Variants in PEDS1 observed in about 807,000 individuals in gnomAD.
PEDS1 encodes the protein plasmanylethanolamine desaturase 1, also known as CarF homolog.
Under a neutral mutation model 35.2 loss-of-function variants are expected in PEDS1, and 14 were observed. The ratio of observed to expected loss-of-function variants is 0.40; its 90% CI spans 0.26 to 0.62. The LOEUF (loss-of-function observed/expected upper bound fraction) is 0.62. Among genes scored for constraint, PEDS1 ranks in the 20% least tolerant of loss-of-function variants. The pLI is 0.44. For synonymous variants in PEDS1, 152 were observed against 152.0 expected, an observed-to-expected ratio of 1.00 and a Z score of 0.00; for missense variants, 260 against 367.8, an observed-to-expected ratio of 0.71 and a Z score of 2.40.
At chr20:50,135,286 C>A (rs1029309790) in intron 2 of PEDS1, among the ~76,000 whole-genome samples, 1 of 152,166 alleles carries the variant, frequency 6.6e-6, no homozygotes, top group Non-Finnish European at 1.5e-5. Flanking sequence ...AGTGTGAAGG[C>A]AGACATCAAC....
intron 2 of PEDS1, among the ~76,000 whole-genome samples, chr20:50,139,358 A>G (rs2081269095): frequency 6.6e-6 from 1 of 152,112 alleles, no homozygotes; most frequent in South Asian, 2.1e-4. Flanking sequence ...TGTGCGTGTC[A>G]CAGTGGCTGA....
At chr20:50,148,375 G>A (rs1244589223) in intron 1 of PEDS1, among the ~76,000 whole-genome samples, 1 of 152,220 alleles carries the variant, frequency 6.6e-6, no homozygotes, top group Non-Finnish European at 1.5e-5. Context: ...GGTGGGGACA[G>A]GGAGGGTGGC....
Position 50,128,224 on chromosome 20 carries a change from C to T in PEDS1, c.479-37G>A. The T allele has an allele frequency of 6.2e-7, 1 of 1,610,712 alleles. No individual in the cohort carries two copies. Among genetic ancestry groups the T allele is most frequent in the Non-Finnish European group, 8.5e-7 (1 of 1,178,620 alleles). ...GGAGAGGGGGGGCCGGCACAGCTGTCACTCGGGACGGGGAACCCACCCCAA... is the reference window on the plus strand; with the variant it reads ...GGAGAGGGGGGGCCGGCACAGCTGTTACTCGGGACGGGGAACCCACCCCAA... On this transcript the variant is annotated intron_variant, in intron 4 of 5. Coordinates refer to ENST00000371652, the MANE Select transcript of PEDS1 (RefSeq NM_199129.4). This position sits in a 1 kb window ranked among gnomAD's most constrained non-coding sequence, Gnocchi z 5.2.
At chr20:50,148,006 C>T (rs905756290) in intron 1 of PEDS1, among the ~76,000 whole-genome samples, 3 of 152,158 alleles carry the variant, frequency 2.0e-5, no homozygotes, top group South Asian at 2.1e-4. Flanking sequence ...AGGAGAATCA[C>T]GTGAACCCAG....
rs6020296 is a variant in PEDS1, at chr20:50,149,283, G to A, written c.121+4234C>T. On this transcript the variant is annotated intron_variant, in intron 1 of 5. Coordinates refer to ENST00000371652, the MANE Select transcript of PEDS1 (RefSeq NM_199129.4). ...CACCCTCCACCTTTCCCTTCCCCCT[G>A]TGCCAAGAGCCTCTGTAATCCCCAG... 6.5e-3 allele frequency among the ~76,000 whole-genome samples: 988 copies of A among 152,180 alleles called. 13 individuals are homozygous for A. Among genetic ancestry groups the A allele is most frequent in the African/African-American group, 0.022 (929 of 41,522 alleles).
chr20:50,121,642 T>C lies in PEDS1; in HGVS notation c.*3416A>G, dbSNP rs992811058. 1.3e-5 allele frequency: 2 copies of C among 152,184 alleles called. No homozygotes were observed. The highest frequency in any genetic ancestry group is 4.8e-5 in the African/African-American group (2 of 41,440). The allele number at this position is 152,184 out of a possible 1,614,324, so 9.4% of individuals were successfully genotyped here. A position where few individuals can be genotyped will look rare whatever the true frequency, so the allele number is the denominator to read the frequency against. Reference sequence around the variant, plus strand: ...GTGGCCCCAACACTCTCAGACCCAATGCAGCGCACCTTCTGGTTTTGAGAA... The same window carrying C: ...GTGGCCCCAACACTCTCAGACCCAACGCAGCGCACCTTCTGGTTTTGAGAA... On this transcript the variant is annotated 3_prime_UTR_variant, in exon 6 of 6. Coordinates refer to ENST00000371652, the MANE Select transcript of PEDS1 (RefSeq NM_199129.4).
chr20:50,153,524 G>T lies in PEDS1; in HGVS notation c.114C>A (p.Tyr38Ter). ...GGGGCCCAGAGGTCTTACCTGGCGA[G>T]TAGAGCGCAGCCAGCTCGCGGGCCC... ...HAGARELAAL[Y>*]SPGKRLQEWC... The change falls in exon 1 of 6, where the codon TAC becomes TAA. Residue 38 changes from tyrosine (Y) to a stop codon, truncating the protein, a stop_gained. Coordinates refer to ENST00000371652, the MANE Select transcript of PEDS1 (RefSeq NM_199129.4). LOFTEE classifies it high-confidence loss of function. The T allele has an allele frequency of 7.1e-7, 1 of 1,415,204 alleles. No individual in the cohort carries two copies. 87.7% of individuals were successfully genotyped at this position (1,415,204 alleles called of 1,614,324 possible).
At chr20:50,127,749 C>A (rs973021640) in intron 5 of PEDS1, among the ~76,000 whole-genome samples, 1 of 152,170 alleles carries the variant, frequency 6.6e-6, no homozygotes, top group Admixed American at 6.5e-5. Context: ...AATCACAACG[C>A]CATGAAGTCG....
Position 50,124,786 on chromosome 20 carries a change from C to A in PEDS1, c.*272G>T. On this transcript the variant is annotated 3_prime_UTR_variant, in exon 6 of 6. Coordinates refer to ENST00000371652, the MANE Select transcript of PEDS1 (RefSeq NM_199129.4). The stretch of plus-strand genomic sequence containing the variant: ...GGCAGGCGTGCAGGGAGTGGGTAAA[C>A]CTCCTCTCTACCAGGGGAGGCTGGC... The A allele has an allele frequency of 5.3e-6, 2 of 380,166 alleles. No individual in the cohort carries two copies. The highest frequency in any genetic ancestry group is 5.6e-5 in the South Asian group (2 of 35,462). The allele number at this position is 380,166 out of a possible 1,614,324, so 23.5% of individuals were successfully genotyped here.
chr20:50,133,673 C>T (rs2081202820), intron 2 of PEDS1, among the ~76,000 whole-genome samples: 1 of 152,244 alleles, frequency 6.6e-6, no homozygotes, highest in South Asian at 2.1e-4. Context: ...TGTGCTGGCT[C>T]CTCCTCGGCC....
chr20:50,139,094 C>G (rs933669210), intron 2 of PEDS1, among the ~76,000 whole-genome samples: 2 of 152,180 alleles, frequency 1.3e-5, no homozygotes, highest in Admixed American at 1.3e-4. Flanking sequence ...CGCCTTCCAG[C>G]TCAGTCAGAT....
intron 2 of PEDS1, among the ~76,000 whole-genome samples, chr20:50,132,441 C>A (rs2081189994): frequency 6.6e-6 from 1 of 152,148 alleles, no homozygotes; most frequent in Non-Finnish European, 1.5e-5. Context: ...TTGCATGCCT[C>A]TGGGTCTTTG....
intron 1 of PEDS1, among the ~76,000 whole-genome samples, chr20:50,149,042 G>C (rs974513930): frequency 6.6e-6 from 1 of 152,172 alleles, no homozygotes; most frequent in African/African-American, 2.4e-5. Flanking sequence ...GAGCTCAGAA[G>C]TTTTGGGTTG....
intron 1 of PEDS1, chr20:50,151,354 G>T: frequency 1.6e-6 from 2 of 1,226,978 alleles, no homozygotes; most frequent in African/African-American, 1.6e-5. Flanking sequence ...GCAATTGATC[G>T]TGGTGGAGTG....
Position 50,129,425 on chromosome 20 carries a change from AT to A in PEDS1, c.478+120del. The A allele has an allele frequency of 1.4e-6, 2 of 1,395,130 alleles. No homozygotes were observed. The highest frequency in any genetic ancestry group is 9.5e-7 in the Non-Finnish European group (1 of 1,054,074). The allele number at this position is 1,395,130 out of a possible 1,614,324, so 86.4% of individuals were successfully genotyped here. On this transcript the variant is annotated intron_variant, in intron 4 of 5. Transcript: ENST00000371652. This position sits in a 1 kb window ranked among gnomAD's most constrained non-coding sequence, Gnocchi z 4.2. ...GGTTTCCTGATTTTACATGAAGACA[AT>A]GAATGAAAACTCTTTTAAAATACCA...
intron 1 of PEDS1, among the ~76,000 whole-genome samples, chr20:50,148,135 C>T (rs2081365502): frequency 6.6e-6 from 1 of 152,324 alleles, no homozygotes; most frequent in South Asian, 2.1e-4. Flanking sequence ...CACTGAGCAA[C>T]TGGAACATGC....
At chr20:50,142,994 A>T (rs1161349544) in intron 2 of PEDS1, among the ~76,000 whole-genome samples, 1 of 152,066 alleles carries the variant, frequency 6.6e-6, no homozygotes, top group Non-Finnish European at 1.5e-5. Flanking sequence ...AGGTACACTG[A>T]GGAGCCGGTG....
chr20:50,128,512 G>A lies in PEDS1; in HGVS notation c.479-325C>T, dbSNP rs2081137133. Among the ~76,000 whole-genome samples the A allele has an allele frequency of 6.6e-6, 1 of 152,232 alleles. No individual in the cohort carries two copies. Among genetic ancestry groups the A allele is most frequent in the Admixed American group, 6.5e-5 (1 of 15,286 alleles). Reference sequence around the variant, plus strand: ...CAGTATGGGCTGGATCGGTGACTCTGCCTCTAAGAAGCTTAATTTCCCCAT... The same window carrying A: ...CAGTATGGGCTGGATCGGTGACTCTACCTCTAAGAAGCTTAATTTCCCCAT... On this transcript the variant is annotated intron_variant, in intron 4 of 5. Transcript: ENST00000371652. The surrounding 1 kb of genome is among the most constrained non-coding windows in gnomAD (Gnocchi z 5.2).
chr20:50,132,138 T>C (rs2081186932), intron 2 of PEDS1, among the ~76,000 whole-genome samples: 1 of 151,890 alleles, frequency 6.6e-6, no homozygotes, highest in East Asian at 1.9e-4. Context: ...CGGGAGATGG[T>C]GGTTGCAGTG....
Sources: gnomAD v4.1 joint callset for allele counts (sites outside exome capture counted in the v4.1 genomes callset) on GRCh38, gnomAD v4.1.1 for gene constraint, Gnocchi (gnomAD v3.1) non-coding constraint, MANE v1.5 for transcripts, NCBI Gene and HGNC (gene_info 2026-07-23, HGNC 2026-07-21) for gene names.